Variants in ACVR2A observed in about 807,000 individuals in gnomAD.
The protein encoded by ACVR2A is activin A receptor type 2A, also known as activin receptor type-2A.
ACVR2A carries 7 observed loss-of-function variants against 61.4 expected under a neutral mutation model. That is an observed-to-expected ratio of 0.11 (90% CI 0.06 to 0.21). The LOEUF (loss-of-function observed/expected upper bound fraction) is 0.21, where lower values mean the gene tolerates loss of function less well. Ranked by LOEUF, ACVR2A falls within the 10% of genes least tolerant of loss-of-function variation. The pLI, the probability that ACVR2A is intolerant of heterozygous loss-of-function variation, is 1.00. For missense variants in ACVR2A, 322 were observed against 621.7 expected (o/e 0.52, Z 5.13); for synonymous variants, 193 against 208.3 (o/e 0.93, Z 0.63).
intron 1 of ACVR2A, among the ~76,000 whole-genome samples, chr2:147,879,352 C>T (rs1471229035): frequency 6.6e-6 from 1 of 152,136 alleles, no homozygotes; most frequent in Non-Finnish European, 1.5e-5. Flanking sequence ...ACAGCCCACT[C>T]CTAAAAGCCC....
At chr2:147,909,488 A>T (rs1687065314) in intron 4 of ACVR2A, among the ~76,000 whole-genome samples, 1 of 152,198 alleles carries the variant, frequency 6.6e-6, no homozygotes, top group Non-Finnish European at 1.5e-5. Flanking sequence ...TCTCACCTAC[A>T]AACCTAATAG....
chr2:147,919,260 G>T (rs2105217754), intron 7 of ACVR2A, among the ~76,000 whole-genome samples: 1 of 152,176 alleles, frequency 6.6e-6, no homozygotes, highest in Non-Finnish European at 1.5e-5. Context: ...TAGGTTGCTG[G>T]GAGGCATTAT....
At chr2:147,875,156 A>AT (rs1166643818) in intron 1 of ACVR2A, among the ~76,000 whole-genome samples, 1 of 151,854 alleles carries the variant, frequency 6.6e-6, no homozygotes, top group Non-Finnish European at 1.5e-5. Flanking sequence ...AGTATTATAA[A>AT]TTTTTTTCTC....
At chr2:147,911,392 A>T (rs779432294) in intron 4 of ACVR2A, among the ~76,000 whole-genome samples, 2 of 152,026 alleles carry the variant, frequency 1.3e-5, no homozygotes, top group Non-Finnish European at 2.9e-5. Context: ...CTTTATTTAA[A>T]CAATGTAAAA....
intron 1 of ACVR2A, among the ~76,000 whole-genome samples, chr2:147,852,936 C>A (rs1020145986): frequency 6.6e-6 from 1 of 151,982 alleles, no homozygotes; most frequent in African/African-American, 2.4e-5. Context: ...AGAAGTAGGA[C>A]AATCTCAGGG....
intron 1 of ACVR2A, among the ~76,000 whole-genome samples, chr2:147,869,912 A>C (rs1685967134): frequency 6.6e-6 from 1 of 152,086 alleles, no homozygotes; most frequent in African/African-American, 2.4e-5. Context: ...TGGGACAGTG[A>C]GAACAGTATG....
At chr2:147,848,908 A>G (rs1298417118) in intron 1 of ACVR2A, among the ~76,000 whole-genome samples, 1 of 152,172 alleles carries the variant, frequency 6.6e-6, no homozygotes, top group East Asian at 1.9e-4. Flanking sequence ...CCCTAAAGTT[A>G]GTAATCTAAA....
chr2:147,909,739 G>A (rs1442125363), intron 4 of ACVR2A, among the ~76,000 whole-genome samples: 1 of 152,130 alleles, frequency 6.6e-6, no homozygotes, highest in African/African-American at 2.4e-5. Context: ...CCAGGCTCAA[G>A]ATGTCTTCCC....
chr2:147,859,493 A>G (rs1458878179), intron 1 of ACVR2A, among the ~76,000 whole-genome samples: 1 of 151,638 alleles, frequency 6.6e-6, no homozygotes, highest in Non-Finnish European at 1.5e-5. Context: ...CACAGACAAA[A>G]AAAAAAAAAA....
intron 6 of ACVR2A, among the ~76,000 whole-genome samples, 189 bp from the exon 7 acceptor site, chr2:147,918,258 G>A (rs1002447537): frequency 4.0e-5 from 6 of 151,350 alleles, no homozygotes; most frequent in African/African-American, 1.5e-4. Context: ...TTTCCTTCTG[G>A]TCAAATGTTT....
intron 1 of ACVR2A, 35 bp downstream of exon 1, chr2:147,845,242 C>T (rs774544421): frequency 1.9e-6 from 3 of 1,600,614 alleles, no homozygotes; most frequent in South Asian, 2.2e-5. Flanking sequence ...TGGGGCTGCT[C>T]CTGCGGCCGC....
intron 1 of ACVR2A, among the ~76,000 whole-genome samples, chr2:147,850,873 T>G (rs944796749): frequency 6.6e-6 from 1 of 152,136 alleles, no homozygotes; most frequent in East Asian, 1.9e-4. Context: ...TATGTTTTTG[T>G]CTCTGAGATT....
intron 4 of ACVR2A, among the ~76,000 whole-genome samples, chr2:147,908,560 T>C (rs866051686): frequency 5.9e-5 from 9 of 152,324 alleles, no homozygotes; most frequent in African/African-American, 1.7e-4. Flanking sequence ...AATCTCTTAA[T>C]GTATGTCTTG....
chr2:147,873,303 T>C (rs1207982657), intron 1 of ACVR2A, among the ~76,000 whole-genome samples: 3 of 152,014 alleles, frequency 2.0e-5, no homozygotes, highest in African/African-American at 7.2e-5. Flanking sequence ...TAAATGTTTT[T>C]AAAATAAAAT....
chr2:147,913,183 GTGGA>G (rs1243637713), intron 4 of ACVR2A, among the ~76,000 whole-genome samples: 1 of 151,522 alleles, frequency 6.6e-6, no homozygotes, highest in East Asian at 1.9e-4. Flanking sequence ...CATATTAATT[GTGGA>G]TTAAATAATC....
intron 9 of ACVR2A, among the ~76,000 whole-genome samples, chr2:147,924,492 A>T (rs1168382041): frequency 1.3e-5 from 2 of 151,918 alleles, no homozygotes; most frequent in Non-Finnish European, 2.9e-5. Flanking sequence ...TTTAGGGGAG[A>T]AATTGCTTTG....
chr2:147,862,608 G>A (rs187389171), intron 1 of ACVR2A, among the ~76,000 whole-genome samples: 2 of 152,072 alleles, frequency 1.3e-5, no homozygotes, highest in African/African-American at 4.8e-5. Context: ...GCCGGGTGTG[G>A]TAGCACACAC....
chr2:147,927,230 A>G lies in ACVR2A; in HGVS notation c.1498A>G (p.Met500Val), dbSNP rs147624201. ...AGAGGACATTGTAACAGTGGTCACA[A>G]TGGTGACAAATGTTGACTTTCCTCC... ...TTEDIVTVVT[M>V]VTNVDFPPKE... The change falls in exon 11 of 11, where the codon ATG (methionine) becomes GTG (valine). Residue 500 changes from methionine to valine, a missense_variant. Physicochemically the swap from Met to Val is conservative, Grantham distance 21 (BLOSUM62 1). Transcript: ENST00000241416. 92 of 1,611,738 alleles carry G rather than the reference A, an allele frequency of 5.7e-5. 1 individual carries two copies. The highest frequency in any genetic ancestry group is 5.4e-4 in the African/African-American group (40 of 74,712).
intron 1 of ACVR2A, among the ~76,000 whole-genome samples, chr2:147,868,583 G>A (rs923937851): frequency 2.0e-5 from 3 of 150,590 alleles, no homozygotes; most frequent in African/African-American, 7.3e-5. Flanking sequence ...CCCCCCCCAA[G>A]GTTTTAGTCA....
Sources: allele counts gnomAD v4.1 joint callset (sites outside exome capture counted in the v4.1 genomes callset), GRCh38; gene constraint gnomAD v4.1.1; transcripts MANE v1.5; gene names NCBI Gene and HGNC (gene_info 2026-07-23, HGNC 2026-07-21).